Variants in ATP6V0A2 observed in about 807,000 individuals in gnomAD.
ATP6V0A2 encodes V-type proton ATPase 116 kDa subunit a 2.
ATP6V0A2 carries 58 observed loss-of-function variants against 104.4 expected under a neutral mutation model. The observed-to-expected ratio is 0.56, with a 90% CI of 0.45 to 0.69. The LOEUF (loss-of-function observed/expected upper bound fraction) is 0.69, where lower values mean the gene tolerates loss of function less well. Ranked by LOEUF, ATP6V0A2 falls within the 30% of genes least tolerant of loss-of-function variation. ATP6V0A2 has a pLI of 0.00. For missense variants in ATP6V0A2, 938 were observed against 1,062.9 expected (o/e 0.88, Z 1.63); for synonymous variants, 376 against 397.9 (o/e 0.95, Z 0.65).
intron 1 of ATP6V0A2, among the ~76,000 whole-genome samples, chr12:123,714,619 T>C (rs1379716864): frequency 6.6e-6 from 1 of 152,154 alleles, no homozygotes; most frequent in African/African-American, 2.4e-5. Flanking sequence ...TGGCTGTGAA[T>C]ATCAAAACAA....
intron 9 of ATP6V0A2, among the ~76,000 whole-genome samples, chr12:123,740,460 C>T (rs1956598422): frequency 6.6e-6 from 1 of 152,186 alleles, no homozygotes; most frequent in Non-Finnish European, 1.5e-5. Flanking sequence ...ATCCACCTGC[C>T]TTTACCTCCC....
chr12:123,727,320 G>C (rs966533749), intron 5 of ATP6V0A2, among the ~76,000 whole-genome samples: 1 of 146,852 alleles, frequency 6.8e-6, no homozygotes, highest in African/African-American at 2.5e-5. Flanking sequence ...GCAGAGTCTT[G>C]TTCTGTCGCC....
intron 15 of ATP6V0A2, among the ~76,000 whole-genome samples, chr12:123,749,452 G>C (rs1371412808): frequency 6.6e-6 from 1 of 152,158 alleles, no homozygotes; most frequent in Admixed American, 6.5e-5. Context: ...GTCACAGTGG[G>C]CTCTAAGGGC....
At chr12:123,742,780 G>A (rs1956621866) in intron 9 of ATP6V0A2, among the ~76,000 whole-genome samples, 1 of 149,494 alleles carries the variant, frequency 6.7e-6, no homozygotes, top group African/African-American at 2.5e-5. Flanking sequence ...AGGTTGCAGT[G>A]AGCCGAGATC....
rs765141473 is a variant in ATP6V0A2, at chr12:123,712,670, C to G, written c.105C>G (p.Val35=). 1 of 1,610,096 alleles carries G rather than the reference C, an allele frequency of 6.2e-7. No individual in the cohort carries two copies. Among genetic ancestry groups the G allele is most frequent in the Non-Finnish European group, 8.5e-7 (1 of 1,178,852 alleles). ...GCGCCCTGGGCGAGAAAGGCCTGGT[C>G]CAGTTCCGAGACGTGAGTGTCGCCC... The part of the protein sequence containing the change: ...CLSALGEKGL[V]QFRDLNQNVS... Residue 35 remains valine (V), a synonymous_variant, in exon 1 of 20, where the codon GTC becomes GTG. Coordinates refer to ENST00000330342, the MANE Select transcript of ATP6V0A2 (RefSeq NM_012463.4).
chr12:123,753,149 TGTGTC>T (rs1956732331), intron 17 of ATP6V0A2, among the ~76,000 whole-genome samples: 2 of 140,022 alleles, frequency 1.4e-5, no homozygotes, highest in South Asian at 5.1e-4. Flanking sequence ...CAGTGACCAC[TGTGTC>T]AGTCCCCTTT....
At chr12:123,740,204 CT>C (rs34257905) in intron 9 of ATP6V0A2, among the ~76,000 whole-genome samples, 92,362 of 141,620 alleles carry the variant, frequency 0.65, 29,960 homozygotes, top group East Asian at 0.94. Flanking sequence ...CTCTCTCTCT[CT>C]TTTTTTTTTT....
chr12:123,746,184 T>G (rs1295726761), intron 13 of ATP6V0A2, among the ~76,000 whole-genome samples: 1 of 152,066 alleles, frequency 6.6e-6, no homozygotes, highest in Non-Finnish European at 1.5e-5. Context: ...GAAGAAAGTT[T>G]GAGTGAGTTT....
At chr12:123,719,072 C>G (rs912677085) in intron 2 of ATP6V0A2, among the ~76,000 whole-genome samples, 1 of 152,140 alleles carries the variant, frequency 6.6e-6, no homozygotes, top group Non-Finnish European at 1.5e-5. Flanking sequence ...TAACCGATCC[C>G]TTGTAGTTTA....
intron 1 of ATP6V0A2, 136 bp downstream of exon 1, chr12:123,712,818 AC>A: frequency 2.4e-6 from 2 of 816,548 alleles, no homozygotes; most frequent in South Asian, 1.5e-5. Flanking sequence ...GGAAGATGAC[AC>A]CCCAGCTCAG....
chr12:123,724,061 C>G (rs904531877), intron 3 of ATP6V0A2: 4 of 151,868 alleles, frequency 2.6e-5, no homozygotes, highest in Non-Finnish European at 5.9e-5. Flanking sequence ...CAGAAATTAC[C>G]TGAATTAATA....
chr12:123,728,623 A>G (rs1956470558), intron 6 of ATP6V0A2, among the ~76,000 whole-genome samples: 1 of 152,000 alleles, frequency 6.6e-6, no homozygotes, highest in African/African-American at 2.4e-5. Flanking sequence ...AAATACTGCA[A>G]GTTTTTTTGG....
chr12:123,754,839 C>G, intron 18 of ATP6V0A2: 1 of 438,670 alleles, frequency 2.3e-6, no homozygotes, highest in Non-Finnish European at 4.2e-6. Flanking sequence ...GGCTTGGGAG[C>G]CTCTGGTGTA....
rs1368617116 is a variant in ATP6V0A2 at position 123,718,492 on chromosome 12, T to C, written c.118-131T>C. On this transcript the variant is annotated intron_variant, in intron 1 of 19. Transcript: ENST00000330342. ...GACAAATTGCTCTCAAGAAAAGTTGTGTCAGTTTATAGTTTCATTCAATAG... is the reference window on the plus strand; with the variant it reads ...GACAAATTGCTCTCAAGAAAAGTTGCGTCAGTTTATAGTTTCATTCAATAG... The C allele has an allele frequency of 1.7e-5, 11 of 646,306 alleles. No homozygotes were observed. In the East Asian group the frequency reaches 3.2e-4, roughly 19 times the overall value. 40.0% of individuals were successfully genotyped at this position (646,306 alleles called of 1,614,324 possible). A position where few individuals can be genotyped will look rare whatever the true frequency, so the allele number is the denominator to read the frequency against.
chr12:123,737,320 G>T, intron 9 of ATP6V0A2, 49 bp downstream of exon 9: 2 of 1,564,926 alleles, frequency 1.3e-6, no homozygotes, highest in South Asian at 1.1e-5. Flanking sequence ...GAGACTGATG[G>T]AACTGATAAA....
At position 123,758,268 on chromosome 12, in the gene ATP6V0A2, G is replaced by T; in HGVS notation, c.*236G>T. ...TTATGATGAGCAAATATAAGTTAAT[G>T]CCAAACGTTATGTTAAAGTTATTTT... On this transcript the variant is annotated 3_prime_UTR_variant, in exon 20 of 20. Coordinates refer to ENST00000330342, the MANE Select transcript of ATP6V0A2 (RefSeq NM_012463.4). 2.5e-6 allele frequency: 1 copy of T among 396,592 alleles called. No individual in the cohort carries two copies. Among genetic ancestry groups the T allele is most frequent in the Non-Finnish European group, 4.5e-6 (1 of 222,826 alleles). The allele number at this position is 396,592 out of a possible 1,614,324, so 24.6% of individuals were successfully genotyped here.
intron 13 of ATP6V0A2, among the ~76,000 whole-genome samples, chr12:123,745,631 A>G (rs1285670174): frequency 2.6e-5 from 4 of 151,808 alleles, no homozygotes; most frequent in Non-Finnish European, 5.9e-5. Flanking sequence ...GCGTGAACCC[A>G]GGAGGCGAAG....
chr12:123,751,406 G>A (rs1319286690), intron 16 of ATP6V0A2, among the ~76,000 whole-genome samples, 177 bp downstream of exon 16: 2 of 152,158 alleles, frequency 1.3e-5, no homozygotes, highest in Admixed American at 1.3e-4. Context: ...TATAATCCCA[G>A]CACTTTGGGA....
At chr12:123,735,476 G>A (rs1017474133) in intron 7 of ATP6V0A2, 55 bp from the exon 8 acceptor site, 10 of 1,511,442 alleles carry the variant, frequency 6.6e-6, no homozygotes, top group East Asian at 2.3e-5. Context: ...GGAGGTGAAC[G>A]TGTTTAGTTC....
Sources: gnomAD v4.1 joint callset for allele counts (sites outside exome capture counted in the v4.1 genomes callset) on GRCh38, gnomAD v4.1.1 for gene constraint, MANE v1.5 for transcripts, NCBI Gene and HGNC (gene_info 2026-07-23, HGNC 2026-07-21) for gene names.